Variants in MYCBP2 observed in about 807,000 individuals in gnomAD.
The protein encoded by MYCBP2 is E3 ubiquitin-protein ligase MYCBP2.
Under a neutral mutation model 525.3 loss-of-function variants are expected in MYCBP2, and 120 were observed. The ratio of observed to expected loss-of-function variants is 0.23; its 90% CI spans 0.20 to 0.27. The LOEUF is 0.27. Among genes scored for constraint, MYCBP2 ranks in the 10% least tolerant of loss-of-function variants. MYCBP2 has a pLI of 1.00. For synonymous variants in MYCBP2, 1,894 were observed against 1,955.8 expected (o/e 0.97, Z 0.83); for missense variants, 4,149 against 5,657.1 (o/e 0.73, Z 8.55).
rs532143291 is a variant in MYCBP2, at chr13:77,320,730, G to A, written c.302+5744C>T. On this transcript the variant is annotated intron_variant, in intron 1 of 82. Coordinates refer to ENST00000544440, the MANE Select transcript of MYCBP2 (RefSeq NM_015057.5). ...TAGTGAGACAACCTCACAACCTCTG[G>A]ATGGGATGCAACATGCAGTACCCAG... Among the ~76,000 whole-genome samples the A allele has an allele frequency of 2.6e-5, 4 of 152,132 alleles. No homozygotes were observed. In the South Asian group the frequency reaches 8.3e-4, roughly 32 times the overall value.
chr13:77,194,307 G>A (rs2061553540), intron 26 of MYCBP2, 63 bp from the exon 27 acceptor site: 1 of 1,253,300 alleles, frequency 8.0e-7, no homozygotes, highest in Non-Finnish European at 1.2e-6. Context: ...TGAACAATGT[G>A]TTCATAATTT....
intron 40 of MYCBP2, among the ~76,000 whole-genome samples, chr13:77,167,022 CACA>C (rs879903301): frequency 0.068 from 6,604 of 96,542 alleles, 205 homozygotes; most frequent in East Asian, 0.21. Context: ...CACACACACA[CACA>C]CCAAATGAAA....
chr13:77,197,389 C>T (rs41331347), intron 26 of MYCBP2, among the ~76,000 whole-genome samples: 6,737 of 151,914 alleles, frequency 0.044, 515 homozygotes, highest in African/African-American at 0.15. Context: ...TCTAGATTTC[C>T]GGCCTATGTA....
chr13:77,326,763 C>T lies in MYCBP2; in HGVS notation c.13G>A (p.Ala5Thr). 2.1e-6 allele frequency: 3 copies of T among 1,416,768 alleles called. No individual in the cohort carries two copies. The highest frequency in any genetic ancestry group is 3.0e-5 in the East Asian group (1 of 32,926). The allele number at this position is 1,416,768 out of a possible 1,614,324, so 87.8% of individuals were successfully genotyped here. A position where few individuals can be genotyped will look rare whatever the true frequency, so the allele number is the denominator to read the frequency against. ...GCGGCGGCGGGGGAGGCAGTCGCTG[C>T]GCACATCATCATCCTCGCCGCCGCC... MMMCAATASPAAASS... is the reference protein window; with the variant it reads MMMCTATASPAAASS... The change falls in exon 1 of 83, where the codon GCA becomes ACA. Residue 5 changes from alanine (A) to threonine (T), a missense_variant. Ala to Thr is a moderately conservative substitution (Grantham distance 58, BLOSUM62 0). Transcript: ENST00000544440. This position sits in a 1 kb window ranked among gnomAD's most constrained non-coding sequence, Gnocchi z 4.2.
intron 78 of MYCBP2, among the ~76,000 whole-genome samples, chr13:77,057,834 C>CTTTTTTT (rs11419165): frequency 2.5e-5 from 3 of 121,110 alleles, no homozygotes; most frequent in Admixed American, 8.3e-5. Context: ...CAATCAACTG[C>CTTTTTTT]TTTTTTTTTT....
chr13:77,265,177 G>A (rs1334665278), intron 8 of MYCBP2, among the ~76,000 whole-genome samples: 2 of 151,984 alleles, frequency 1.3e-5, no homozygotes, highest in African/African-American at 4.8e-5. Context: ...GGGAGACAAG[G>A]CCCACTGGTA....
intron 44 of MYCBP2, among the ~76,000 whole-genome samples, chr13:77,159,941 G>T (rs192617138): frequency 6.6e-6 from 1 of 151,980 alleles, no homozygotes. Context: ...AAGGTACAAA[G>T]ATTTAACTTT....
In MYCBP2 at chr13:77,056,783, A is replaced by C. The variant is rs541096663; in HGVS notation, c.13437+203T>G. On this transcript the variant is annotated intron_variant, in intron 79 of 82. Transcript: ENST00000544440. The stretch of plus-strand genomic sequence containing the variant: ...TCATGTAATATGTTTAACAGAATGT[A>C]ATCAGTTTTAAATGGACAATTACTG... 3.3e-5 allele frequency among the ~76,000 whole-genome samples: 5 copies of C among 152,356 alleles called. No individual in the cohort carries two copies. In the South Asian group the frequency reaches 1.0e-3, roughly 32 times the overall value.
intron 44 of MYCBP2, among the ~76,000 whole-genome samples, chr13:77,159,598 T>G (rs906769793): frequency 6.6e-6 from 1 of 152,312 alleles, no homozygotes; most frequent in South Asian, 2.1e-4. Flanking sequence ...GGGGGCAGAC[T>G]TCCCCCTTGC....
intron 51 of MYCBP2, 36 bp downstream of exon 51, chr13:77,140,011 C>T: frequency 6.8e-7 from 1 of 1,462,674 alleles, no homozygotes; most frequent in Non-Finnish European, 9.4e-7. Flanking sequence ...AACTTTCTGT[C>T]CAAAATTTAC....
At chr13:77,259,015 G>A (rs1180931701) in intron 13 of MYCBP2, among the ~76,000 whole-genome samples, 1 of 152,206 alleles carries the variant, frequency 6.6e-6, no homozygotes, top group Non-Finnish European at 1.5e-5. Flanking sequence ...AGCACTTGAG[G>A]AGGCTGAGGC....
chr13:77,171,426 A>C, intron 38 of MYCBP2, 66 bp downstream of exon 38: 1 of 1,505,186 alleles, frequency 6.6e-7, no homozygotes, highest in Non-Finnish European at 9.1e-7. Flanking sequence ...CTCTTCAATA[A>C]TTCTATGCAA....
intron 36 of MYCBP2, 118 bp downstream of exon 36, chr13:77,176,379 A>C (rs962316195): frequency 5.2e-6 from 4 of 773,508 alleles, no homozygotes; most frequent in Non-Finnish European, 7.4e-6. Flanking sequence ...TAAGTACCAT[A>C]TAAAGGATAA....
chr13:77,130,578 A>T (rs2052586699), intron 52 of MYCBP2, among the ~76,000 whole-genome samples: 2 of 152,162 alleles, frequency 1.3e-5, no homozygotes, highest in South Asian at 4.1e-4. Context: ...CTGCCCCCTA[A>T]TTAAAAGTGG....
chr13:77,275,892 G>A (rs1405550120), intron 4 of MYCBP2, among the ~76,000 whole-genome samples: 3 of 152,290 alleles, frequency 2.0e-5, no homozygotes, highest in Admixed American at 1.3e-4. Context: ...GCTGAGGCAG[G>A]AGAATAGCTT....
rs529975957 is a variant in MYCBP2, at chr13:77,174,385, T to G, written c.5577A>C (p.Thr1859=). The G allele has an allele frequency of 1.2e-6, 2 of 1,614,088 alleles. No homozygotes were observed. ...TACTGCTCAAGCTGCACGTGCTGAA[T>G]GTGAATGTCACACCATCAGGGCACT... ...TVQCPDGVTF[T]FSTCSLSSNG... The change falls in exon 37 of 83, where the codon ACA becomes ACC. Residue 1859 remains threonine, a synonymous_variant. Transcript: ENST00000544440.
At chr13:77,266,208 G>C (rs1490467895) in intron 8 of MYCBP2, among the ~76,000 whole-genome samples, 1 of 152,154 alleles carries the variant, frequency 6.6e-6, no homozygotes, top group African/African-American at 2.4e-5. Context: ...ATGTGTTATA[G>C]CGGATGGGAT....
At chr13:77,177,366 G>A (rs78572426) in intron 35 of MYCBP2, among the ~76,000 whole-genome samples, 1,483 of 139,584 alleles carry the variant, frequency 0.011, 9 homozygotes, top group Non-Finnish European at 0.017. Context: ...AGACAGGGTC[G>A]GGTCTCACTC....
Position 77,261,390 on chromosome 13 carries a change from A to AC in MYCBP2, c.1648-16_1648-15insG. Reference sequence around the variant, plus strand: ...GTGTAATATATCTTATGTATTAAAAAAAAAAAGGAATTATGGTACTTTTTG... The same window carrying AC: ...GTGTAATATATCTTATGTATTAAAAACAAAAAAGGAATTATGGTACTTTTTG... On this transcript the variant is annotated splice_polypyrimidine_tract_variant and intron_variant, in intron 11 of 82. Transcript: ENST00000544440. The AC allele has an allele frequency of 6.3e-7, 1 of 1,577,582 alleles. No individual in the cohort carries two copies. Among genetic ancestry groups the AC allele is most frequent in the Admixed American group, 1.8e-5 (1 of 54,694 alleles).
Sources: allele counts gnomAD v4.1 joint callset (sites outside exome capture counted in the v4.1 genomes callset), GRCh38; gene constraint gnomAD v4.1.1; non-coding constraint Gnocchi (gnomAD v3.1); transcripts MANE v1.5; gene names NCBI Gene and HGNC (gene_info 2026-07-23, HGNC 2026-07-21).